Variants in OR11H4 observed in about 807,000 individuals in gnomAD.
OR11H4 encodes olfactory receptor 11H4.
For synonymous variants in OR11H4, 162 were observed against 142.3 expected (o/e 1.14, Z -0.98); for missense variants, 460 against 371.1 (o/e 1.24, Z -1.97).
chr14:20,241,158 TA>T (rs1378904092), intron 1 of OR11H4, among the ~76,000 whole-genome samples: 1 of 152,148 alleles, frequency 6.6e-6, no homozygotes, highest in Non-Finnish European at 1.5e-5. Flanking sequence ...CTAAATAAAC[TA>T]AATTTTTGTA....
chr14:20,243,714 A>C lies in OR11H4; in HGVS notation c.893A>C (p.Lys298Thr). ...TATACTCTTCGTAATAAGGACATGA[A>C]ACTCGCTCTGAGAAATGTCCTGTTT... ...LIYTLRNKDM[K>T]LALRNVLFGM... is the part of the protein sequence containing the mutation. Residue 298 changes from lysine (K) to threonine (T), a missense_variant, in exon 2 of 2, where the codon AAA (lysine) becomes ACA (threonine). Transcript: ENST00000641082. 1 of 1,602,368 alleles carries C rather than the reference A, an allele frequency of 6.2e-7. No individual in the cohort carries two copies. Among genetic ancestry groups the C allele is most frequent in the Non-Finnish European group, 8.5e-7 (1 of 1,174,800 alleles).
At chr14:20,240,199 T>C (rs548967165) in intron 1 of OR11H4, among the ~76,000 whole-genome samples, 35 of 152,338 alleles carry the variant, frequency 2.3e-4, no homozygotes, top group Admixed American at 2.0e-3. Context: ...ACTTGTTCTC[T>C]GACCTGTGTA....
At chr14:20,241,795 T>C (rs1035816421) in intron 1 of OR11H4, among the ~76,000 whole-genome samples, 24 of 152,038 alleles carry the variant, frequency 1.6e-4, no homozygotes, top group African/African-American at 5.6e-4. Flanking sequence ...ACGGTGATAA[T>C]AAGGAGAAGG....
At chr14:20,241,444 G>T (rs1252669715) in intron 1 of OR11H4, among the ~76,000 whole-genome samples, 2 of 152,018 alleles carry the variant, frequency 1.3e-5, no homozygotes, top group Non-Finnish European at 2.9e-5. Flanking sequence ...ATGAACTTGT[G>T]CTAGAAAACC....
chr14:20,239,601 G>A (rs1880872191), intron 1 of OR11H4, among the ~76,000 whole-genome samples: 1 of 152,106 alleles, frequency 6.6e-6, no homozygotes, highest in Non-Finnish European at 1.5e-5. Flanking sequence ...GGCTGAGGCA[G>A]AAGAATGGCG....
rs1881004665 is a variant in OR11H4 at position 20,244,049 on chromosome 14, G to A, written c.*283G>A. 1 of 267,816 alleles carries A rather than the reference G, an allele frequency of 3.7e-6. No individual in the cohort carries two copies. Among genetic ancestry groups the A allele is most frequent in the African/African-American group, 2.2e-5 (1 of 45,350 alleles). The allele number at this position is 267,816 out of a possible 1,614,324, so 16.6% of individuals were successfully genotyped here. Reference sequence around the variant, plus strand: ...CTGACATGCCCCATGGTTCATCATTGTATATCTTCTTCCTCATTGCAACAA... The same window carrying A: ...CTGACATGCCCCATGGTTCATCATTATATATCTTCTTCCTCATTGCAACAA... On this transcript the variant is annotated 3_prime_UTR_variant, in exon 2 of 2. Transcript: ENST00000641082.
rs1881009822 is a variant in OR11H4, at chr14:20,244,297, T to C, written c.*531T>C. On this transcript the variant is annotated 3_prime_UTR_variant, in exon 2 of 2. Transcript: ENST00000641082. ...TCTTCACTCCCATATTCACCAATTT[T>C]CCTATCTGCTCCTCAGAGTCAATAC... is the stretch of plus-strand genomic sequence containing the variant. 1 of 152,342 alleles carries C rather than the reference T, an allele frequency of 6.6e-6. No individual in the cohort carries two copies. Among genetic ancestry groups the C allele is most frequent in the African/African-American group, 2.4e-5 (1 of 41,452 alleles). 9.4% of individuals were successfully genotyped at this position (152,342 alleles called of 1,614,324 possible).
At chr14:20,241,774 A>G (rs1282838462) in intron 1 of OR11H4, among the ~76,000 whole-genome samples, 24 of 152,278 alleles carry the variant, frequency 1.6e-4, no homozygotes, top group South Asian at 8.3e-4. Flanking sequence ...AAAGGAATGT[A>G]GTAGGAGAGC....
chr14:20,241,316 T>C (rs1328607697), intron 1 of OR11H4, among the ~76,000 whole-genome samples: 2 of 152,200 alleles, frequency 1.3e-5, no homozygotes, highest in Non-Finnish European at 2.9e-5. Context: ...CATGGAGTTG[T>C]ATCTCCATGC....
rs149609864 is a variant in OR11H4 at position 20,243,088 on chromosome 14, C to A, written c.267C>A (p.Thr89=). ...TGCTAGTCAACATTCTCTCCAAGAC[C>A]AAGGCCATCTCATTTTCTGGGTGCT... The part of the protein sequence containing the change: ...PNMLVNILSK[T]KAISFSGCFL... The change falls in exon 2 of 2, where the codon ACC becomes ACA. Residue 89 remains threonine (T), a synonymous_variant. Transcript: ENST00000641082. 9 of 1,613,972 alleles carry A rather than the reference C, an allele frequency of 5.6e-6. No individual in the cohort carries two copies. The highest frequency in any genetic ancestry group is 7.6e-6 in the Non-Finnish European group (9 of 1,180,022).
intron 1 of OR11H4, among the ~76,000 whole-genome samples, chr14:20,241,876 G>A (rs943772085): frequency 1.5e-4 from 23 of 152,128 alleles, no homozygotes; most frequent in East Asian, 1.9e-4. Flanking sequence ...ATGCCTGGAT[G>A]TGCACGTAGG....
At chr14:20,240,537 G>A (rs968251995) in intron 1 of OR11H4, among the ~76,000 whole-genome samples, 2 of 151,190 alleles carry the variant, frequency 1.3e-5, no homozygotes, top group African/African-American at 4.9e-5. Flanking sequence ...AACAAGACAA[G>A]AGATCTAAAC....
chr14:20,241,403 C>G (rs1198090419), intron 1 of OR11H4, among the ~76,000 whole-genome samples: 1 of 152,094 alleles, frequency 6.6e-6, no homozygotes, highest in African/African-American at 2.4e-5. Context: ...AATGTCTTTT[C>G]TAACAACTTG....
At chr14:20,241,824 G>A (rs548107524) in intron 1 of OR11H4, among the ~76,000 whole-genome samples, 4 of 152,172 alleles carry the variant, frequency 2.6e-5, no homozygotes, top group African/African-American at 9.6e-5. Flanking sequence ...AAACATGTGA[G>A]CAGAAGAATC....
chr14:20,241,599 C>T (rs1275608305), intron 1 of OR11H4, among the ~76,000 whole-genome samples: 1 of 152,122 alleles, frequency 6.6e-6, no homozygotes, highest in Non-Finnish European at 1.5e-5. Flanking sequence ...TATTTCTGGT[C>T]TGGTAGGACG....
intron 1 of OR11H4, among the ~76,000 whole-genome samples, chr14:20,241,995 T>C (rs1233297166): frequency 6.6e-6 from 1 of 152,046 alleles, no homozygotes; most frequent in Non-Finnish European, 1.5e-5. Context: ...TTTTCTCCTA[T>C]CTCAGAATTG....
In OR11H4 at chr14:20,243,309, TCTCCCAA is replaced by T; in HGVS notation, c.494_500del (p.Gln165ProfsTer18). On this transcript the variant is annotated frameshift_variant, in exon 2 of 2. Transcript: ENST00000641082. LOFTEE classifies it low-confidence loss of function (END_TRUNC). ...GGATACCCAATTCCCATTTTCTACA[TCTCCCAA>T]CTCCCCTTCTGTGGTCCTAATATCA... 1.2e-6 allele frequency: 2 copies of T among 1,614,076 alleles called. No individual in the cohort carries two copies. The highest frequency in any genetic ancestry group is 1.7e-6 in the Non-Finnish European group (2 of 1,179,970).
In OR11H4 at chr14:20,243,716, C is replaced by G. The variant is rs76031433; in HGVS notation, c.895C>G (p.Leu299Val). 56 of 1,601,328 alleles carry G rather than the reference C, an allele frequency of 3.5e-5. No individual in the cohort carries two copies. The highest frequency in any genetic ancestry group is 3.5e-4 in the African/African-American group (26 of 74,404). The part of the protein sequence containing the change: ...IYTLRNKDMK[L>V]ALRNVLFGMR... ...TACTCTTCGTAATAAGGACATGAAA[C>G]TCGCTCTGAGAAATGTCCTGTTTGG... Residue 299 changes from leucine (L) to valine (V), a missense_variant, in exon 2 of 2, where the codon CTC (leucine) becomes GTC (valine). Transcript: ENST00000641082.
Position 20,243,130 on chromosome 14 carries a change from C to T in OR11H4, c.309C>T (p.Phe103=), listed in dbSNP as rs746021283. Residue 103 remains phenylalanine (F), a synonymous_variant, in exon 2 of 2, where the codon TTC becomes TTT. Transcript: ENST00000641082. The part of the protein sequence containing the change: ...SFSGCFLQFY[F]FFSLGTTECL... ...CTGGGTGCTTCCTCCAGTTCTATTT[C>T]TTCTTTTCACTGGGAACAACTGAAT... The T allele has an allele frequency of 6.2e-7, 1 of 1,614,146 alleles. No individual in the cohort carries two copies. The highest frequency in any genetic ancestry group is 8.5e-7 in the Non-Finnish European group (1 of 1,180,024).
Sources: allele counts gnomAD v4.1 joint callset (sites outside exome capture counted in the v4.1 genomes callset), GRCh38; gene constraint gnomAD v4.1.1; transcripts MANE v1.5; gene names NCBI Gene and HGNC (gene_info 2026-07-23, HGNC 2026-07-21).